Variants in PDE4B observed in about 807,000 individuals in gnomAD.
PDE4B encodes 3',5'-cyclic-AMP phosphodiesterase 4B.
A neutral mutation model predicts 82.2 loss-of-function variants in PDE4B; 20 were observed. The observed-to-expected ratio is 0.24, with a 90% CI of 0.17 to 0.35. The LOEUF (loss-of-function observed/expected upper bound fraction) is 0.35, where lower values mean the gene tolerates loss of function less well. Ranked by LOEUF, PDE4B falls within the 10% of genes least tolerant of loss-of-function variation. The pLI, the probability that PDE4B is intolerant of heterozygous loss-of-function variation, is 1.00. For missense variants in PDE4B, 655 were observed against 907.2 expected (o/e 0.72, Z 3.57); for synonymous variants, 320 against 318.9 (o/e 1.00, Z -0.04).
At chr1:66,277,477 C>A (rs1332388916) in intron 7 of PDE4B, among the ~76,000 whole-genome samples, 2 of 152,160 alleles carry the variant, frequency 1.3e-5, no homozygotes, top group Non-Finnish European at 2.9e-5. Flanking sequence ...CTCACCACAA[C>A]CTCCACCTTG....
chr1:66,219,216 T>C (rs1387223770), intron 3 of PDE4B, among the ~76,000 whole-genome samples: 2 of 152,142 alleles, frequency 1.3e-5, no homozygotes, highest in East Asian at 1.9e-4. Flanking sequence ...GAGGGCAACA[T>C]GATGGCAGGG....
intron 3 of PDE4B, among the ~76,000 whole-genome samples, chr1:66,147,120 A>G (rs1188522664): frequency 6.6e-6 from 1 of 152,254 alleles, no homozygotes; most frequent in African/African-American, 2.4e-5. Context: ...GTGGAAGAAA[A>G]GCAAAAATAA....
chr1:66,096,450 G>A (rs1441031888), intron 3 of PDE4B, among the ~76,000 whole-genome samples: 3 of 142,054 alleles, frequency 2.1e-5, no homozygotes, highest in Non-Finnish European at 3.0e-5. Flanking sequence ...GCCACTTGTG[G>A]CTACTGATCA....
intron 1 of PDE4B, among the ~76,000 whole-genome samples, chr1:65,804,837 AG>A (rs1645735796): frequency 6.6e-6 from 1 of 151,950 alleles, no homozygotes. Flanking sequence ...TGCTTCTTGT[AG>A]TCACCCAGGG....
intron 3 of PDE4B, among the ~76,000 whole-genome samples, chr1:65,959,010 C>A (rs1176639495): frequency 1.3e-5 from 2 of 152,040 alleles, no homozygotes; most frequent in Non-Finnish European, 2.9e-5. Context: ...AAAATATTTT[C>A]TTTTGTTTTA....
At chr1:66,279,945 A>G (rs1244544806) in intron 7 of PDE4B, among the ~76,000 whole-genome samples, 1 of 152,114 alleles carries the variant, frequency 6.6e-6, no homozygotes, top group African/African-American at 2.4e-5. Flanking sequence ...TTCACAGCCA[A>G]CACCTAGATC....
intron 3 of PDE4B, among the ~76,000 whole-genome samples, chr1:66,009,938 T>TATC (rs1557494858): frequency 3.4e-5 from 5 of 147,686 alleles, no homozygotes; most frequent in African/African-American, 5.3e-5. Flanking sequence ...TCTATCTATC[T>TATC]ATCTATCTAT....
At chr1:66,177,119 G>A (rs1184469826) in intron 3 of PDE4B, among the ~76,000 whole-genome samples, 1 of 152,208 alleles carries the variant, frequency 6.6e-6, no homozygotes, top group Non-Finnish European at 1.5e-5. Context: ...GTGTGACAAG[G>A]GAGGCAGTCC....
intron 1 of PDE4B, among the ~76,000 whole-genome samples, chr1:65,904,194 T>C (rs1163233083): frequency 6.6e-6 from 1 of 152,184 alleles, no homozygotes; most frequent in Non-Finnish European, 1.5e-5. Flanking sequence ...GTGTCCCATA[T>C]ACCCCATGAA....
chr1:65,811,058 C>T lies in PDE4B; in HGVS notation c.-71+17810C>T, dbSNP rs1265836618. 2.0e-5 allele frequency among the ~76,000 whole-genome samples: 3 copies of T among 152,184 alleles called. 1 individual carries two copies. The highest frequency in any genetic ancestry group is 7.2e-5 in the African/African-American group (3 of 41,440). On this transcript the variant is annotated intron_variant, in intron 1 of 16. Coordinates refer to ENST00000341517, the MANE Select transcript of PDE4B (RefSeq NM_002600.4). Reference sequence around the variant, plus strand: ...GATGCAAACAACACTCTCTTTTCCCCCTACCCAGTTGTGACAACCAAAAAT... The same window carrying T: ...GATGCAAACAACACTCTCTTTTCCCTCTACCCAGTTGTGACAACCAAAAAT...
chr1:66,105,701 A>T (rs182130975), intron 3 of PDE4B, among the ~76,000 whole-genome samples: 1 of 152,252 alleles, frequency 6.6e-6, no homozygotes. Flanking sequence ...TCGTTGAAGC[A>T]ATTGTGAATG....
At chr1:66,257,606 C>G (rs757841200) in intron 4 of PDE4B, 41 bp from the exon 5 acceptor site, 1 of 1,549,948 alleles carries the variant, frequency 6.5e-7, no homozygotes, top group South Asian at 1.1e-5. Flanking sequence ...AGTTATAATT[C>G]AAGTAAATTT....
chr1:66,130,579 C>A (rs1645921213), intron 3 of PDE4B, among the ~76,000 whole-genome samples: 1 of 152,174 alleles, frequency 6.6e-6, no homozygotes, highest in Admixed American at 6.5e-5. Flanking sequence ...TTATATGATT[C>A]TCTATCAAGA....
chr1:66,361,362 C>T (rs1411242204), intron 9 of PDE4B, among the ~76,000 whole-genome samples: 1 of 152,112 alleles, frequency 6.6e-6, no homozygotes, highest in Non-Finnish European at 1.5e-5. Context: ...GCTTTCTGGA[C>T]AAGTTACTTC....
intron 3 of PDE4B, among the ~76,000 whole-genome samples, chr1:66,188,081 T>G (rs1647344334): frequency 1.3e-5 from 2 of 150,778 alleles, no homozygotes; most frequent in African/African-American, 2.4e-5. Flanking sequence ...TCTGCCTTCA[T>G]TTTGTTATGT....
At chr1:66,153,484 T>A (rs1002692338) in intron 3 of PDE4B, among the ~76,000 whole-genome samples, 1 of 151,954 alleles carries the variant, frequency 6.6e-6, no homozygotes. Context: ...ACCTCATGGG[T>A]TTTTTTGTTT....
chr1:65,925,996 C>T (rs919157883), intron 3 of PDE4B, among the ~76,000 whole-genome samples: 4 of 152,058 alleles, frequency 2.6e-5, no homozygotes, highest in African/African-American at 4.8e-5. Flanking sequence ...TCTATTTTAC[C>T]TTTGCAATGA....
chr1:66,118,774 T>C (rs7412571), intron 3 of PDE4B, among the ~76,000 whole-genome samples: 63,818 of 152,044 alleles, frequency 0.42, 14,674 homozygotes, highest in Non-Finnish European at 0.5. Context: ...TGATAGCATT[T>C]AATAATTGAG....
chr1:66,193,044 A>G (rs984161919), intron 3 of PDE4B, among the ~76,000 whole-genome samples: 40 of 152,202 alleles, frequency 2.6e-4, no homozygotes, highest in African/African-American at 8.0e-4. Context: ...TTGACACATA[A>G]CAAATCCATT....
Sources: allele counts gnomAD v4.1 joint callset (sites outside exome capture counted in the v4.1 genomes callset), GRCh38; gene constraint gnomAD v4.1.1; transcripts MANE v1.5; gene names NCBI Gene and HGNC (gene_info 2026-07-23, HGNC 2026-07-21).